The following DARS1 variants were observed in gnomAD, a reference collection of about 807,000 sequenced individuals.
DARS1 encodes the protein aspartate--tRNA ligase, cytoplasmic.
DARS1 carries 51 observed loss-of-function variants against 68.8 expected under a neutral mutation model. The ratio of observed to expected loss-of-function variants is 0.74; its 90% CI spans 0.59 to 0.94. The LOEUF is 0.94. Among genes scored for constraint, DARS1 ranks in the 40% least tolerant of loss-of-function variants. The pLI is 0.00. For synonymous variants in DARS1, 203 were observed against 190.4 expected, an observed-to-expected ratio of 1.07 and a Z score of -0.55; for missense variants, 607 against 597.3, an observed-to-expected ratio of 1.02 and a Z score of -0.17.
rs567792053 is a variant in DARS1, at chr2:135,907,391, A to G, written c.1431T>C (p.Thr477=). The G allele has an allele frequency of 6.2e-7, 1 of 1,612,500 alleles. No individual in the cohort carries two copies. Among genetic ancestry groups the G allele is most frequent in the South Asian group, 1.1e-5 (1 of 90,952 alleles). The change falls in exon 16 of 16, where the codon ACT becomes ACC. Residue 477 remains threonine, a synonymous_variant. Coordinates refer to ENST00000264161, the MANE Select transcript of DARS1 (RefSeq NM_001349.4). ...CATTATGCAATCCCAGAAACAGCAT[A>G]GTAACTCGTTCCAATCCTGGGGAAG... The part of the protein sequence containing the change: ...AGGGIGLERV[T]MLFLGLHNVR...
At chr2:135,956,951 G>T (rs1318692791) in intron 4 of DARS1, among the ~76,000 whole-genome samples, 1 of 151,872 alleles carries the variant, frequency 6.6e-6, no homozygotes, top group Non-Finnish European at 1.5e-5. Context: ...TTTTAGTAGA[G>T]ACGGGGTTTC....
rs760097666 is a variant in DARS1 at position 135,914,524 on chromosome 2, C to T, written c.1107-13G>A. 10 of 1,377,890 alleles carry T rather than the reference C, an allele frequency of 7.3e-6. No homozygotes were observed. Among genetic ancestry groups the T allele is most frequent in the East Asian group, 2.3e-5 (1 of 43,714 alleles). 85.4% of individuals were successfully genotyped at this position (1,377,890 alleles called of 1,614,324 possible). On this transcript the variant is annotated splice_polypyrimidine_tract_variant and intron_variant, in intron 11 of 15. Transcript: ENST00000264161. ...TTCATTTGGTGTGCTGAAAAAGAAA[C>T]GTGAAATCAGTGTTTGAAGATCAAA...
intron 4 of DARS1, among the ~76,000 whole-genome samples, chr2:135,943,874 TG>T (rs1239446598): frequency 6.6e-6 from 1 of 152,184 alleles, no homozygotes; most frequent in African/African-American, 2.4e-5. Context: ...ATGCAATTAC[TG>T]GTATGTGATG....
chr2:135,955,566 C>A (rs1407596146), intron 4 of DARS1, among the ~76,000 whole-genome samples: 1 of 148,342 alleles, frequency 6.7e-6, no homozygotes, highest in African/African-American at 2.5e-5. Context: ...AATGCCCAAA[C>A]ACAAGAAACC....
intron 3 of DARS1, among the ~76,000 whole-genome samples, chr2:135,970,967 A>T (rs1026282502): frequency 3.5e-4 from 54 of 152,310 alleles, no homozygotes; most frequent in African/African-American, 1.3e-3. Flanking sequence ...AAGTCTCCCA[A>T]TAAAGAAAAG....
At chr2:135,925,540 T>C (rs1288092356) in intron 7 of DARS1, among the ~76,000 whole-genome samples, 2 of 152,252 alleles carry the variant, frequency 1.3e-5, no homozygotes, top group Non-Finnish European at 2.9e-5. Context: ...TTAAATAATC[T>C]TGAATTTCTG....
At chr2:135,979,641 A>T (rs975482663) in intron 2 of DARS1, among the ~76,000 whole-genome samples, 1 of 152,172 alleles carries the variant, frequency 6.6e-6, no homozygotes, top group African/African-American at 2.4e-5. Flanking sequence ...CTCCCACCTG[A>T]ACTACAGCAA....
chr2:135,943,601 A>C, intron 4 of DARS1, 121 bp from the exon 5 acceptor site: 1 of 1,433,854 alleles, frequency 7.0e-7, no homozygotes, highest in Non-Finnish European at 9.2e-7. Flanking sequence ...GCCACTTGAG[A>C]TAAAGCCAGT....
intron 15 of DARS1, among the ~76,000 whole-genome samples, chr2:135,908,079 AT>A (rs1054967895): frequency 1.3e-5 from 2 of 152,250 alleles, no homozygotes; most frequent in African/African-American, 2.4e-5. Context: ...TATTAAAAAA[AT>A]GATACATTAA....
In DARS1 at chr2:135,907,241, T is replaced by TA; in HGVS notation, c.*74_*75insT. On this transcript the variant is annotated 3_prime_UTR_variant, in exon 16 of 16. Coordinates refer to ENST00000264161, the MANE Select transcript of DARS1 (RefSeq NM_001349.4). ...TTACTGAAAAGAATAAGTGTGGCTT[T>TA]CTTTTTTTTTTTTTTTTTTTGAGGC... 5 of 885,086 alleles carry TA rather than the reference T, an allele frequency of 5.6e-6. No homozygotes were observed. Among genetic ancestry groups the TA allele is most frequent in the Non-Finnish European group, 6.7e-6 (4 of 596,684 alleles). The allele number at this position is 885,086 out of a possible 1,614,324, so 54.8% of individuals were successfully genotyped here. A position where few individuals can be genotyped will look rare whatever the true frequency, so the allele number is the denominator to read the frequency against.
intron 3 of DARS1, among the ~76,000 whole-genome samples, chr2:135,964,033 A>G (rs12615624): frequency 0.44 from 66,475 of 152,112 alleles, 17,056 homozygotes; most frequent in Middle Eastern, 0.73. Context: ...TTTGATGATT[A>G]ATTATCATTC....
At chr2:135,953,545 C>T (rs1185612780) in intron 4 of DARS1, among the ~76,000 whole-genome samples, 2 of 152,098 alleles carry the variant, frequency 1.3e-5, no homozygotes, top group Non-Finnish European at 2.9e-5. Flanking sequence ...AGCCCAAAGC[C>T]TAAGCAAAAG....
chr2:135,935,904 T>C (rs1203868896), intron 5 of DARS1, among the ~76,000 whole-genome samples: 1 of 152,234 alleles, frequency 6.6e-6, no homozygotes, highest in Non-Finnish European at 1.5e-5. Context: ...TAGTGTAGGA[T>C]ACTCTAGTAT....
intron 7 of DARS1, among the ~76,000 whole-genome samples, chr2:135,929,260 A>G (rs1681291393): frequency 1.3e-5 from 2 of 152,156 alleles, no homozygotes; most frequent in Non-Finnish European, 2.9e-5. Flanking sequence ...AAGAACTCCT[A>G]TAGCTGTGGT....
intron 15 of DARS1, among the ~76,000 whole-genome samples, chr2:135,909,669 A>G (rs953202482): frequency 6.6e-6 from 1 of 152,178 alleles, no homozygotes; most frequent in Non-Finnish European, 1.5e-5. Context: ...GAGATCACAC[A>G]GTATTTGTCT....
intron 8 of DARS1, among the ~76,000 whole-genome samples, chr2:135,923,783 C>T (rs1399031423): frequency 5.3e-5 from 8 of 151,966 alleles, no homozygotes; most frequent in African/African-American, 1.5e-4. Flanking sequence ...TCTGGCAGGC[C>T]GAGGCAGATG....
At chr2:135,956,153 A>G (rs1681970023) in intron 4 of DARS1, among the ~76,000 whole-genome samples, 2 of 152,242 alleles carry the variant, frequency 1.3e-5, no homozygotes, top group Admixed American at 6.5e-5. Flanking sequence ...AAGAAGTCAC[A>G]TGGTTGTGTC....
At chr2:135,941,240 A>G (rs949913951) in intron 5 of DARS1, among the ~76,000 whole-genome samples, 10 of 152,246 alleles carry the variant, frequency 6.6e-5, no homozygotes, top group Non-Finnish European at 1.5e-4. Context: ...TGGAGGCACC[A>G]CGCTACCTGA....
intron 3 of DARS1, among the ~76,000 whole-genome samples, chr2:135,967,955 T>C (rs1682273677): frequency 6.6e-6 from 1 of 152,122 alleles, no homozygotes. Flanking sequence ...GAGCACAAGA[T>C]TTTATTCTTA....
Sources: gnomAD v4.1 joint callset for allele counts (sites outside exome capture counted in the v4.1 genomes callset) on GRCh38, gnomAD v4.1.1 for gene constraint, MANE v1.5 for transcripts, NCBI Gene and HGNC (gene_info 2026-07-23, HGNC 2026-07-21) for gene names.